Variants in AGMO observed in about 807,000 individuals in gnomAD.
The protein encoded by AGMO is alkylglycerol monooxygenase.
AGMO carries 75 observed loss-of-function variants against 60.2 expected under a neutral mutation model. The observed-to-expected ratio is 1.25, with a 90% CI of 1.03 to 1.51. The LOEUF is 1.51. Among genes scored for constraint, AGMO ranks in the 40% most tolerant of loss-of-function variants. AGMO has a pLI of 0.00. For missense variants in AGMO, 763 were observed against 525.5 expected (o/e 1.45, Z -4.42); for synonymous variants, 261 against 177.1 (o/e 1.47, Z -3.76).
intron 3 of AGMO, among the ~76,000 whole-genome samples, chr7:15,513,353 C>T (rs879883620): frequency 2.0e-5 from 3 of 152,212 alleles, no homozygotes; most frequent in African/African-American, 4.8e-5. Flanking sequence ...ATTATCTGTT[C>T]GGGCTGGTGT....
intron 12 of AGMO, among the ~76,000 whole-genome samples, chr7:15,219,628 A>G (rs1382621108): frequency 1.3e-5 from 2 of 152,086 alleles, no homozygotes; most frequent in East Asian, 3.9e-4. Flanking sequence ...GAGCTATGTG[A>G]TTCGATTTAC....
At chr7:15,485,562 G>A (rs1029272493) in intron 3 of AGMO, among the ~76,000 whole-genome samples, 1 of 152,134 alleles carries the variant, frequency 6.6e-6, no homozygotes, top group African/African-American at 2.4e-5. Flanking sequence ...CCTGTTCAAT[G>A]TTAACAAATG....
chr7:15,431,044 T>C lies in AGMO; in HGVS notation c.474A>G (p.Thr158=), dbSNP rs749935033. ...HHSSEDYNLS[T]ALRQSVLQIY... ...TCTGGAGGACAGACTGTCTCAGTGC[T>C]GTGGATAAGTTATAGTCTTCAGAAC... Residue 158 remains threonine (T), a synonymous_variant, in exon 4 of 13, where the codon ACA becomes ACG. Transcript: ENST00000342526. The C allele has an allele frequency of 1.9e-6, 3 of 1,610,888 alleles. No homozygotes were observed. Among genetic ancestry groups the C allele is most frequent in the Non-Finnish European group, 2.5e-6 (3 of 1,178,016 alleles).
At chr7:15,205,529 C>T (rs1781417514) in intron 12 of AGMO, among the ~76,000 whole-genome samples, 1 of 151,770 alleles carries the variant, frequency 6.6e-6, no homozygotes, top group African/African-American at 2.4e-5. Context: ...TATGTATATC[C>T]CTGAATCACT....
chr7:15,156,728 G>A, the AGMO span, among the ~76,000 whole-genome samples: 19 of 152,192 alleles, frequency 1.2e-4, no homozygotes, highest in African/African-American at 4.3e-4. Context: ...TCAGCTTGGG[G>A]TCTGTATCCT....
intron 12 of AGMO, among the ~76,000 whole-genome samples, chr7:15,248,216 A>ATATATATG (rs1782821022): frequency 1.9e-5 from 2 of 107,724 alleles, no homozygotes; most frequent in Non-Finnish European, 4.0e-5. Context: ...ATATATATAT[A>ATATATATG]TATATATATC....
rs764742995 is a variant in AGMO, at chr7:15,224,311, C to T, written c.1264-22952G>A. Among the ~76,000 whole-genome samples, 7 of 152,048 alleles carry T rather than the reference C, an allele frequency of 4.6e-5. No homozygotes were observed. In the South Asian group the frequency reaches 6.2e-4, roughly 14 times the overall value. ...AATACAGATGTTGAAATCCTAACAC[C>T]AAACTGATGGTATTATGAGGAGGTA... is the stretch of plus-strand genomic sequence containing the variant. On this transcript the variant is annotated intron_variant, in intron 12 of 12. Coordinates refer to ENST00000342526, the MANE Select transcript of AGMO (RefSeq NM_001004320.2).
At chr7:15,480,646 G>A (rs182561846) in intron 3 of AGMO, among the ~76,000 whole-genome samples, 11 of 152,254 alleles carry the variant, frequency 7.2e-5, no homozygotes, top group Admixed American at 5.2e-4. Context: ...GCTTTAAAGT[G>A]TTAAACACGT....
At chr7:15,393,788 C>T (rs1331228760) in intron 6 of AGMO, among the ~76,000 whole-genome samples, 1 of 152,134 alleles carries the variant, frequency 6.6e-6, no homozygotes, top group East Asian at 1.9e-4. Context: ...AAGAAGTAGC[C>T]TTTGACAGAA....
chr7:15,553,715 C>CATAA (rs1020762734), intron 2 of AGMO, among the ~76,000 whole-genome samples: 3 of 150,890 alleles, frequency 2.0e-5, no homozygotes, highest in East Asian at 3.9e-4. Context: ...TAAAAAAATA[C>CATAA]ATAAATAAAT....
chr7:15,214,906 T>G (rs1355956200), intron 12 of AGMO, among the ~76,000 whole-genome samples: 1 of 152,084 alleles, frequency 6.6e-6, no homozygotes, highest in Non-Finnish European at 1.5e-5. Context: ...AAAGCAATGC[T>G]TTAACTGCCT....
At chr7:15,518,193 C>T (rs1298413836) in intron 3 of AGMO, among the ~76,000 whole-genome samples, 1 of 152,120 alleles carries the variant, frequency 6.6e-6, no homozygotes. Context: ...GATAAAACTC[C>T]CATTTCCCTG....
intron 10 of AGMO, among the ~76,000 whole-genome samples, chr7:15,380,512 T>C (rs1008512303): frequency 6.6e-6 from 1 of 152,044 alleles, no homozygotes; most frequent in Non-Finnish European, 1.5e-5. Flanking sequence ...AATCGGATAT[T>C]GACACAAACA....
intron 2 of AGMO, among the ~76,000 whole-genome samples, chr7:15,552,885 G>T (rs1216297263): frequency 2.0e-5 from 3 of 149,626 alleles, no homozygotes. Flanking sequence ...TGTTTATTGC[G>T]GCATTATTCA....
intron 10 of AGMO, among the ~76,000 whole-genome samples, chr7:15,375,447 G>C (rs1374264566): frequency 7.0e-6 from 1 of 142,184 alleles, no homozygotes. Context: ...CTAGGCTGGA[G>C]TGCAGTAGCA....
chr7:15,530,400 C>T (rs944446804), intron 3 of AGMO, among the ~76,000 whole-genome samples: 1 of 120,954 alleles, frequency 8.3e-6, no homozygotes, highest in African/African-American at 3.1e-5. Flanking sequence ...ATTCTATATA[C>T]GTATTTCTAT....
chr7:15,261,984 G>A (rs1783286432), intron 12 of AGMO, among the ~76,000 whole-genome samples: 2 of 151,982 alleles, frequency 1.3e-5, no homozygotes, highest in African/African-American at 2.4e-5. Flanking sequence ...CAGCATAGAA[G>A]GGACATATTT....
At chr7:15,231,438 T>A (rs1008364309) in intron 12 of AGMO, among the ~76,000 whole-genome samples, 1 of 152,204 alleles carries the variant, frequency 6.6e-6, no homozygotes, top group Admixed American at 6.5e-5. Context: ...CAAATTGGCA[T>A]CCCTCATATC....
chr7:15,386,079 G>T (rs570827875), intron 9 of AGMO, among the ~76,000 whole-genome samples: 1 of 152,058 alleles, frequency 6.6e-6, no homozygotes, highest in Non-Finnish European at 1.5e-5. Flanking sequence ...TACTCAGGAG[G>T]CTGAGGCAGA....
Sources: allele counts gnomAD v4.1 joint callset (sites outside exome capture counted in the v4.1 genomes callset), GRCh38; gene constraint gnomAD v4.1.1; transcripts MANE v1.5; gene names NCBI Gene and HGNC (gene_info 2026-07-23, HGNC 2026-07-21).